Variants in JAKMIP1 observed in about 807,000 individuals in gnomAD.
JAKMIP1 encodes the protein janus kinase and microtubule-interacting protein 1.
JAKMIP1 carries 33 observed loss-of-function variants against 113.0 expected under a neutral mutation model. That is an observed-to-expected ratio of 0.29 (90% CI 0.22 to 0.39). JAKMIP1 has a LOEUF of 0.39. Ranked by LOEUF, JAKMIP1 falls within the 10% of genes least tolerant of loss-of-function variation. The pLI, the probability that JAKMIP1 is intolerant of heterozygous loss-of-function variation, is 1.00. For missense variants in JAKMIP1, 813 were observed against 1,080.5 expected, an observed-to-expected ratio of 0.75 and a Z score of 3.47; for synonymous variants, 480 against 459.9, an observed-to-expected ratio of 1.04 and a Z score of -0.56.
In JAKMIP1 at chr4:6,040,215, C is replaced by T. The variant is rs1474799847; in HGVS notation, c.2175+424G>A. Among the ~76,000 whole-genome samples, 3 of 152,208 alleles carry T rather than the reference C, an allele frequency of 2.0e-5. No individual in the cohort carries two copies. Among genetic ancestry groups the T allele is most frequent in the Non-Finnish European group, 4.4e-5 (3 of 68,040 alleles). ...CAGTATTACATCCGACCTTATACCT[C>T]GTCCCTTCGGTTCTGAAAATCACCT... On this transcript the variant is annotated intron_variant, in intron 18 of 20. Coordinates refer to ENST00000409021, the MANE Select transcript of JAKMIP1 (RefSeq NM_001099433.2). This position sits in a 1 kb window ranked among gnomAD's most constrained non-coding sequence, Gnocchi z 5.8.
chr4:6,090,713 G>C (rs1036751627), intron 3 of JAKMIP1, among the ~76,000 whole-genome samples: 2 of 151,846 alleles, frequency 1.3e-5, no homozygotes, highest in African/African-American at 4.8e-5. Flanking sequence ...GCCTTAGAAT[G>C]TCAAAACGCC....
At chr4:6,174,574 G>A (rs1054791927) in intron 1 of JAKMIP1, among the ~76,000 whole-genome samples, 3 of 152,160 alleles carry the variant, frequency 2.0e-5, no homozygotes, top group Non-Finnish European at 2.9e-5. Flanking sequence ...GCCTGGGCTC[G>A]CAGCTCTCAA....
rs951087457 is a variant in JAKMIP1, at chr4:6,154,012, T to C, written c.-147-41015A>G. Among the ~76,000 whole-genome samples the C allele has an allele frequency of 3.3e-5, 5 of 152,194 alleles. No individual in the cohort carries two copies. Among genetic ancestry groups the C allele is most frequent in the Non-Finnish European group, 1.5e-5 (1 of 68,050 alleles). On this transcript the variant is annotated intron_variant, in intron 1 of 20. Coordinates refer to ENST00000409021, the MANE Select transcript of JAKMIP1 (RefSeq NM_001099433.2). This position sits in a 1 kb window ranked among gnomAD's most constrained non-coding sequence, Gnocchi z 4.2. ...GGTCTTGTATGCGGCAGATGTTTAC[T>C]AAATACTGGCTGCTGAACCAGAGTG... is the stretch of plus-strand genomic sequence containing the variant.
At chr4:6,189,633 C>T (rs1877760) in intron 1 of JAKMIP1, among the ~76,000 whole-genome samples, 67,564 of 152,058 alleles carry the variant, frequency 0.44, 15,212 homozygotes, top group African/African-American at 0.48. Context: ...CCTACCCTCA[C>T]AGAGCCCTCT....
In JAKMIP1 at chr4:6,029,128, C is replaced by T. The variant is rs377256018; in HGVS notation, c.2445+588G>A. ...ATGGCTATGACATCCATGGAGAACC[C>T]AGCCATCCCTTCCTAGCTGTGGGAC... On this transcript the variant is annotated intron_variant, in intron 20 of 20. Transcript: ENST00000409021. 3.9e-5 allele frequency among the ~76,000 whole-genome samples: 6 copies of T among 152,332 alleles called. No individual in the cohort carries two copies. In the East Asian group the frequency reaches 1.2e-3, roughly 29 times the overall value.
intron 5 of JAKMIP1, among the ~76,000 whole-genome samples, chr4:6,082,918 G>C (rs1720797109): frequency 6.6e-6 from 1 of 152,038 alleles, no homozygotes; most frequent in Non-Finnish European, 1.5e-5. Context: ...AGATCTCTAA[G>C]CACTGATGGG....
intron 1 of JAKMIP1, among the ~76,000 whole-genome samples, chr4:6,174,896 G>T (rs1725160473): frequency 6.6e-6 from 1 of 152,102 alleles, no homozygotes; most frequent in South Asian, 2.1e-4. Context: ...GGCCCCATCT[G>T]CCCCTGGACT....
intron 1 of JAKMIP1, among the ~76,000 whole-genome samples, chr4:6,165,700 G>T (rs73075482): frequency 0.052 from 7,861 of 152,252 alleles, 465 homozygotes; most frequent in African/African-American, 0.14. Flanking sequence ...AACTTTTACA[G>T]GCACTGGGAA....
In JAKMIP1 at chr4:6,187,696, A is replaced by G. The variant is rs868431176; in HGVS notation, c.-148+12557T>C. The stretch of plus-strand genomic sequence containing the variant: ...CCCAGCCTCTAGAACTGTGAGAAAT[A>G]AATTTCTATTGTTTATAAGCTATCC... On this transcript the variant is annotated intron_variant, in intron 1 of 20. Transcript: ENST00000409021. This position sits in a 1 kb window ranked among gnomAD's most constrained non-coding sequence, Gnocchi z 4.2. Among the ~76,000 whole-genome samples the G allele has an allele frequency of 3.3e-5, 5 of 152,236 alleles. No individual in the cohort carries two copies. The highest frequency in any genetic ancestry group is 6.5e-5 in the Admixed American group (1 of 15,284).
chr4:6,058,286 G>A (rs1321920971), intron 11 of JAKMIP1, among the ~76,000 whole-genome samples: 1 of 152,184 alleles, frequency 6.6e-6, no homozygotes, highest in Non-Finnish European at 1.5e-5. Context: ...AAAAATAATA[G>A]TTTCTTTTTA....
At chr4:6,164,470 C>A (rs776541585) in intron 1 of JAKMIP1, among the ~76,000 whole-genome samples, 1 of 152,190 alleles carries the variant, frequency 6.6e-6, no homozygotes, top group African/African-American at 2.4e-5. Flanking sequence ...GTTGTCATGC[C>A]TGCTAACACA....
intron 3 of JAKMIP1, 138 bp from the exon 4 acceptor site, chr4:6,085,767 GAC>G (rs1157296483): frequency 1.4e-6 from 1 of 717,148 alleles, no homozygotes; most frequent in Non-Finnish European, 2.3e-6. Context: ...GTAAACTCCA[GAC>G]ACAGAGCAAG....
chr4:6,114,738 G>A (rs574130991), intron 1 of JAKMIP1, among the ~76,000 whole-genome samples: 58 of 152,306 alleles, frequency 3.8e-4, no homozygotes, highest in Admixed American at 1.4e-3. Context: ...AACTCCATTC[G>A]CCTTGATCTG....
rs758012106 is a variant in JAKMIP1, at chr4:6,084,958, T to A, written c.842A>T (p.His281Leu). The stretch of plus-strand genomic sequence containing the variant: ...TCGCCTCACATCTCGCTCGTCCATA[T>A]GTTGATCCTAAAAAAAAAAAAAAAA... ...MVELMGVQDQ[H>L]MDERDVRRFQ... Residue 281 changes from histidine to leucine, a missense_variant, in exon 5 of 21, where the codon CAT (histidine) becomes CTT (leucine). By Grantham distance (99) the His-to-Leu change is moderately conservative. Transcript: ENST00000409021. 2 of 1,528,216 alleles carry A rather than the reference T, an allele frequency of 1.3e-6. No homozygotes were observed. Among genetic ancestry groups the A allele is most frequent in the Admixed American group, 2.4e-5 (1 of 41,842 alleles). 94.7% of individuals were successfully genotyped at this position (1,528,216 alleles called of 1,614,324 possible). A position where few individuals can be genotyped will look rare whatever the true frequency, so the allele number is the denominator to read the frequency against.
chr4:6,077,239 T>C (rs910490053), intron 8 of JAKMIP1, among the ~76,000 whole-genome samples: 2 of 152,128 alleles, frequency 1.3e-5, no homozygotes, highest in Non-Finnish European at 2.9e-5. Context: ...TAATCCAGCA[T>C]GAGTGGTGGC....
intron 1 of JAKMIP1, among the ~76,000 whole-genome samples, chr4:6,170,683 ACTG>A (rs1724471110): frequency 6.7e-6 from 1 of 149,178 alleles, no homozygotes; most frequent in Non-Finnish European, 1.5e-5. Flanking sequence ...TCTCACCTCC[ACTG>A]TCACCCTCCT....
Position 6,040,392 on chromosome 4 carries a change from T to A in JAKMIP1, c.2175+247A>T, listed in dbSNP as rs1714159848. Among the ~76,000 whole-genome samples the A allele has an allele frequency of 6.6e-6, 1 of 152,236 alleles. No individual in the cohort carries two copies. The highest frequency in any genetic ancestry group is 1.5e-5 in the Non-Finnish European group (1 of 68,046). Reference sequence around the variant, plus strand: ...TTTCTTCTCATTCATCTCAAATGATTACTAGAATTTAAGAAGCATGTCTAA... The same window carrying A: ...TTTCTTCTCATTCATCTCAAATGATAACTAGAATTTAAGAAGCATGTCTAA... On this transcript the variant is annotated intron_variant, in intron 18 of 20. Coordinates refer to ENST00000409021, the MANE Select transcript of JAKMIP1 (RefSeq NM_001099433.2). The surrounding 1 kb of genome is among the most constrained non-coding windows in gnomAD (Gnocchi z 5.8).
At position 6,116,169 on chromosome 4, in the gene JAKMIP1, G is replaced by A. The variant is rs558734463; in HGVS notation, c.-147-3172C>T. ...TCGGAGCTCAGGGTGGGCCCCAGCA[G>A]CCGGCCTCTGTGCCATGGACACACT... On this transcript the variant is annotated intron_variant, in intron 1 of 20. Coordinates refer to ENST00000409021, the MANE Select transcript of JAKMIP1 (RefSeq NM_001099433.2). This position sits in a 1 kb window ranked among gnomAD's most constrained non-coding sequence, Gnocchi z 5.1. Among the ~76,000 whole-genome samples, 1 of 152,166 alleles carries A rather than the reference G, an allele frequency of 6.6e-6. No homozygotes were observed. The highest frequency in any genetic ancestry group is 1.9e-4 in the East Asian group (1 of 5,174).
rs978788281 is a variant in JAKMIP1, at chr4:6,185,422, C to G, written c.-148+14831G>C. ...CAGCACTTTGGGAGGCCGAGGTGGG[C>G]GGATCATGAGGTCAGGAGATCGAGA... On this transcript the variant is annotated intron_variant, in intron 1 of 20. Coordinates refer to ENST00000409021, the MANE Select transcript of JAKMIP1 (RefSeq NM_001099433.2). The surrounding 1 kb of genome is among the most constrained non-coding windows in gnomAD (Gnocchi z 5.3). Among the ~76,000 whole-genome samples the G allele has an allele frequency of 6.6e-6, 1 of 151,876 alleles. No homozygotes were observed. Among genetic ancestry groups the G allele is most frequent in the Non-Finnish European group, 1.5e-5 (1 of 67,974 alleles).
Sources: gnomAD v4.1 joint callset for allele counts (sites outside exome capture counted in the v4.1 genomes callset) on GRCh38, gnomAD v4.1.1 for gene constraint, Gnocchi (gnomAD v3.1) non-coding constraint, MANE v1.5 for transcripts, NCBI Gene and HGNC (gene_info 2026-07-23, HGNC 2026-07-21) for gene names.